The following CCDC158 variants were observed in gnomAD, a reference collection of about 807,000 sequenced individuals.
CCDC158 encodes the protein coiled-coil domain-containing protein 158.
Under a neutral mutation model 138.6 loss-of-function variants are expected in CCDC158, and 116 were observed. The observed-to-expected ratio is 0.84, with a 90% CI of 0.72 to 0.98. CCDC158 has a LOEUF of 0.98. CCDC158 is among the 50% of genes least tolerant of loss of function. The probability of loss-of-function intolerance (pLI) is 0.00; values close to 1 mark genes in which losing one functional copy is unlikely to be tolerated. For missense variants in CCDC158, 1,265 were observed against 1,306.1 expected (o/e 0.97, Z 0.48); for synonymous variants, 436 against 442.4 (o/e 0.99, Z 0.18).
intron 18 of CCDC158, among the ~76,000 whole-genome samples, chr4:76,339,238 G>C (rs1180940993): frequency 6.6e-6 from 1 of 152,102 alleles, no homozygotes; most frequent in Non-Finnish European, 1.5e-5. Flanking sequence ...TCTGCACCGA[G>C]AGCATCATTC....
At chr4:76,386,438 A>G (rs1045086716) in intron 4 of CCDC158, among the ~76,000 whole-genome samples, 4 of 152,218 alleles carry the variant, frequency 2.6e-5, no homozygotes, top group Admixed American at 2.0e-4. Context: ...GCATACCCCC[A>G]AGTAACCAAT....
At chr4:76,337,539 T>C (rs1047164904) in intron 18 of CCDC158, among the ~76,000 whole-genome samples, 2 of 152,116 alleles carry the variant, frequency 1.3e-5, no homozygotes, top group African/African-American at 4.8e-5. Flanking sequence ...GAGACCAGCC[T>C]GGCCAACATG....
chr4:76,339,952 A>G (rs761816030), intron 18 of CCDC158, among the ~76,000 whole-genome samples: 9 of 152,212 alleles, frequency 5.9e-5, no homozygotes, highest in Non-Finnish European at 1.3e-4. Flanking sequence ...ATGGCTTTCT[A>G]AAGGTAGATC....
chr4:76,317,685 C>T (rs1278644188), intron 24 of CCDC158, among the ~76,000 whole-genome samples: 3 of 152,182 alleles, frequency 2.0e-5, no homozygotes. Flanking sequence ...GAACATTCTA[C>T]CCAACAACTG....
Position 76,345,796 on chromosome 4 carries a change from G to A in CCDC158, c.2664+5200C>T, listed in dbSNP as rs145690072. 6.9e-3 allele frequency among the ~76,000 whole-genome samples: 1,048 copies of A among 152,248 alleles called. 6 individuals are homozygous for A. The highest frequency in any genetic ancestry group is 0.011 in the Non-Finnish European group (734 of 68,006). ...CTCATGGATAGGAAGAATCAATATC[G>A]TGAAAATGGCCATACTGCCCAAACT... On this transcript the variant is annotated intron_variant, in intron 18 of 24. Coordinates refer to ENST00000682701, the MANE Select transcript of CCDC158 (RefSeq NM_001394954.1).
chr4:76,353,205 A>G lies in CCDC158; in HGVS notation c.2363T>C (p.Met788Thr). 1.2e-6 allele frequency: 2 copies of G among 1,613,774 alleles called. No individual in the cohort carries two copies. Among genetic ancestry groups the G allele is most frequent in the South Asian group, 2.2e-5 (2 of 91,020 alleles). The part of the protein sequence containing the change: ...LSTVATEKNK[M>T]AGELEVLRSQ... ...TCGCAGAACTTCCAACTCCCCAGCC[A>G]TCTTGTTTTTTTCTGTGGCAACAGT... Residue 788 changes from methionine to threonine, a missense_variant, in exon 16 of 25, where the codon ATG (methionine) becomes ACG (threonine). Coordinates refer to ENST00000682701, the MANE Select transcript of CCDC158 (RefSeq NM_001394954.1).
At chr4:76,349,524 C>G (rs1048733943) in intron 18 of CCDC158, among the ~76,000 whole-genome samples, 5 of 152,058 alleles carry the variant, frequency 3.3e-5, no homozygotes, top group African/African-American at 1.2e-4. Flanking sequence ...CAAAAATTAG[C>G]CAGGCGTGGT....
intron 13 of CCDC158, among the ~76,000 whole-genome samples, chr4:76,361,268 A>G (rs924677964): frequency 2.0e-5 from 3 of 152,110 alleles, no homozygotes; most frequent in African/African-American, 7.2e-5. Context: ...TTCTTTATCA[A>G]TTACCCAGTC....
At chr4:76,382,291 C>G (rs1295901918) in intron 8 of CCDC158, among the ~76,000 whole-genome samples, 3 of 152,174 alleles carry the variant, frequency 2.0e-5, no homozygotes, top group Non-Finnish European at 4.4e-5. Context: ...GCCTGTGGAA[C>G]TAGGAGTCAA....
intron 9 of CCDC158, chr4:76,375,784 T>G: frequency 1.8e-6 from 1 of 568,604 alleles, no homozygotes. Context: ...TCTCACATTT[T>G]TTTGAAGTAC....
intron 24 of CCDC158, among the ~76,000 whole-genome samples, chr4:76,321,150 CAT>C (rs759289335): frequency 5.9e-5 from 9 of 152,056 alleles, no homozygotes; most frequent in Admixed American, 3.9e-4. Flanking sequence ...GGTCAACAAA[CAT>C]ATGAAGAAAT....
At chr4:76,421,635 C>T (rs1329331857), upstream of CCDC158, 3 of 152,194 alleles carry the variant, frequency 2.0e-5, no homozygotes, top group Admixed American at 6.6e-5. Context: ...TGGAGTTGCC[C>T]GCCGGGCCTC....
intron 3 of CCDC158, among the ~76,000 whole-genome samples, chr4:76,402,385 G>A (rs978522454): frequency 1.3e-5 from 2 of 152,200 alleles, no homozygotes; most frequent in African/African-American, 2.4e-5. Context: ...TGTCTCAGAT[G>A]AGGATCTGGT....
intron 22 of CCDC158, among the ~76,000 whole-genome samples, chr4:76,327,233 C>T (rs772173504): frequency 5.3e-5 from 8 of 152,044 alleles, no homozygotes; most frequent in Non-Finnish European, 8.8e-5. Context: ...CATAAATGTT[C>T]TTTTCTTCAA....
chr4:76,344,125 C>G (rs1368767532), intron 18 of CCDC158, among the ~76,000 whole-genome samples: 1 of 152,158 alleles, frequency 6.6e-6, no homozygotes, highest in Non-Finnish European at 1.5e-5. Context: ...AGCCCAAAAT[C>G]TCCTTAAGCT....
rs145943208 is a variant in CCDC158, at chr4:76,323,396, C to T, written c.3183G>A (p.Pro1061=). The T allele has an allele frequency of 2.9e-4, 466 of 1,609,688 alleles. No homozygotes were observed. In the African/African-American group the frequency reaches 5.3e-3, roughly 18 times the overall value. The change falls in exon 24 of 25, where the codon CCG becomes CCA. Residue 1061 remains proline (P), a synonymous_variant. Coordinates refer to ENST00000682701, the MANE Select transcript of CCDC158 (RefSeq NM_001394954.1). ...SSDSVKDSQS[P]PIETTGKTCR... ...ATGTTTTTCCTGTTGTTTCTATTGG[C>T]GGAGACTGTGAATCTATTAGAAAAT...
intron 9 of CCDC158, chr4:76,375,332 T>C (rs1725613855): frequency 4.8e-6 from 2 of 416,006 alleles, no homozygotes; most frequent in East Asian, 3.5e-5. Flanking sequence ...GCCAATCATA[T>C]CAAATCACAC....
intron 8 of CCDC158, among the ~76,000 whole-genome samples, chr4:76,381,606 A>G (rs1726251368): frequency 1.3e-5 from 2 of 152,262 alleles, no homozygotes; most frequent in African/African-American, 4.8e-5. Flanking sequence ...ATTTTGTCTC[A>G]GATGAGACTT....
intron 2 of CCDC158, among the ~76,000 whole-genome samples, chr4:76,406,691 T>C (rs1579100621): frequency 1.3e-5 from 2 of 152,032 alleles, no homozygotes; most frequent in East Asian, 3.9e-4. Flanking sequence ...ATTAAAAAGG[T>C]CTTTCTACCT....
Sources: allele counts gnomAD v4.1 joint callset (sites outside exome capture counted in the v4.1 genomes callset), GRCh38; gene constraint gnomAD v4.1.1; transcripts MANE v1.5; gene names NCBI Gene and HGNC (gene_info 2026-07-23, HGNC 2026-07-21).